The following ASPRV1 variants were observed in gnomAD, a reference collection of about 807,000 sequenced individuals.
ASPRV1 encodes retroviral-like aspartic protease 1.
Under a neutral mutation model 11.0 loss-of-function variants are expected in ASPRV1, and 7 were observed. The ratio of observed to expected loss-of-function variants is 0.64; its 90% confidence interval spans 0.36 to 1.20. The LOEUF (loss-of-function observed/expected upper bound fraction) is 1.20. Ranked by LOEUF, ASPRV1 falls within the 50% of genes most tolerant of loss-of-function variation. The probability of loss-of-function intolerance (pLI) is 0.02; values close to 1 mark genes in which losing one functional copy is unlikely to be tolerated. For missense variants in ASPRV1, 299 were observed against 320.0 expected (o/e 0.93, Z 0.50); for synonymous variants, 136 against 138.4 (o/e 0.98, Z 0.12).
chr2:69,944,695 T>TTAC, the ASPRV1 span, among the ~76,000 whole-genome samples: 1 of 36,780 alleles, frequency 2.7e-5, no homozygotes, highest in Non-Finnish European at 4.8e-5. Context: ...GGAGGGGACC[T>TTAC]TATATTCCAG....
chr2:70,064,327 G>A, the ASPRV1 span, among the ~76,000 whole-genome samples: 1 of 151,920 alleles, frequency 6.6e-6, no homozygotes, highest in Non-Finnish European at 1.5e-5. Context: ...CCACCTCAAA[G>A]GTCCTTCTAG....
At chr2:70,033,724 C>A in the ASPRV1 span, among the ~76,000 whole-genome samples, 1 of 152,184 alleles carries the variant, frequency 6.6e-6, no homozygotes, top group Non-Finnish European at 1.5e-5. Context: ...CTGGCCACAG[C>A]CATTTTTTGT....
chr2:70,067,706 G>C, the ASPRV1 span, among the ~76,000 whole-genome samples: 1 of 152,002 alleles, frequency 6.6e-6, no homozygotes, highest in Admixed American at 6.6e-5. Context: ...AATTTTTTCT[G>C]GGTTCATACA....
At chr2:70,057,987 G>A in the ASPRV1 span, among the ~76,000 whole-genome samples, 3 of 151,370 alleles carry the variant, frequency 2.0e-5, no homozygotes, top group Non-Finnish European at 2.9e-5. Context: ...TACAGACAGC[G>A]TTTCACCATG....
At chr2:69,985,573 T>C in the ASPRV1 span, among the ~76,000 whole-genome samples, 1 of 152,234 alleles carries the variant, frequency 6.6e-6, no homozygotes, top group East Asian at 1.9e-4. Context: ...GGCCAACCCA[T>C]CAGCCCTGTT....
At chr2:70,038,635 T>C in the ASPRV1 span, among the ~76,000 whole-genome samples, 1 of 152,222 alleles carries the variant, frequency 6.6e-6, no homozygotes, top group Admixed American at 6.5e-5. Context: ...TGGTAGGCTC[T>C]GGACACACAG....
the ASPRV1 span, among the ~76,000 whole-genome samples, chr2:70,036,544 A>G: frequency 2.6e-5 from 4 of 152,196 alleles, no homozygotes; most frequent in African/African-American, 9.6e-5. Flanking sequence ...AGTCACTGAT[A>G]ATGCCAAGGT....
the ASPRV1 span, among the ~76,000 whole-genome samples, chr2:70,061,021 C>CA: frequency 4.1e-3 from 618 of 152,230 alleles, 2 homozygotes; most frequent in African/African-American, 0.014. Flanking sequence ...CTTATGTAAA[C>CA]AAATGGGGTG....
At chr2:69,945,280 A>G in the ASPRV1 span, among the ~76,000 whole-genome samples, 6 of 152,224 alleles carry the variant, frequency 3.9e-5, no homozygotes, top group Admixed American at 3.9e-4. Flanking sequence ...TAATCTGCAC[A>G]TGCACCCCCT....
chr2:69,956,123 G>A (rs912058360), downstream of ASPRV1, among the ~76,000 whole-genome samples: 2 of 152,158 alleles, frequency 1.3e-5, no homozygotes, highest in Admixed American at 1.3e-4. Context: ...AAGGAGACAG[G>A]AGCCAGTTTG....
At chr2:70,001,166 TA>T in the ASPRV1 span, among the ~76,000 whole-genome samples, 2,521 of 146,496 alleles carry the variant, frequency 0.017, 58 homozygotes, top group African/African-American at 0.052. Flanking sequence ...CTTTTTAAAT[TA>T]AAAAAAAAAA....
the ASPRV1 span, chr2:69,938,358 C>T: frequency 9.5e-6 from 14 of 1,471,376 alleles, 1 homozygote; most frequent in African/African-American, 9.8e-5. Flanking sequence ...TTGGACCTGC[C>T]CACAACTCCC....
At chr2:69,991,406 T>G in the ASPRV1 span, among the ~76,000 whole-genome samples, 1 of 152,198 alleles carries the variant, frequency 6.6e-6, no homozygotes, top group African/African-American at 2.4e-5. Flanking sequence ...ATATAAAATG[T>G]TACATTTTCC....
chr2:69,993,182 C>T, the ASPRV1 span, among the ~76,000 whole-genome samples: 3 of 152,258 alleles, frequency 2.0e-5, no homozygotes, highest in Middle Eastern at 3.4e-3. Context: ...GGCCACGTAG[C>T]GAAGAGGGCA....
At chr2:70,054,858 A>G in the ASPRV1 span, among the ~76,000 whole-genome samples, 8 of 152,178 alleles carry the variant, frequency 5.3e-5, no homozygotes, top group Non-Finnish European at 7.3e-5. Flanking sequence ...CAAGACAAAA[A>G]AGAGTCTCCT....
the ASPRV1 span, chr2:69,935,205 A>G: frequency 1.6e-6 from 1 of 632,198 alleles, no homozygotes; most frequent in Non-Finnish European, 2.9e-6. Flanking sequence ...TCTGGTTCAA[A>G]ATATGTTTAT....
chr2:70,041,205 C>T, the ASPRV1 span, among the ~76,000 whole-genome samples: 16 of 152,178 alleles, frequency 1.1e-4, no homozygotes, highest in Non-Finnish European at 1.8e-4. Flanking sequence ...ATCTCACTCA[C>T]GACAATAAAG....
upstream of ASPRV1, chr2:69,963,410 C>A (rs927325078): frequency 1.1e-5 from 5 of 456,630 alleles, no homozygotes; most frequent in African/African-American, 4.0e-5. Flanking sequence ...AGCTTCCCAG[C>A]TGCTGGGATG....
At chr2:70,024,907 G>C in the ASPRV1 span, among the ~76,000 whole-genome samples, 1 of 152,146 alleles carries the variant, frequency 6.6e-6, no homozygotes, top group Non-Finnish European at 1.5e-5. Context: ...AGGAAGGGAA[G>C]GGTATGCAGT....
Sources: allele counts gnomAD v4.1 joint callset (sites outside exome capture counted in the v4.1 genomes callset), GRCh38; gene constraint gnomAD v4.1.1; transcripts MANE v1.5; gene names NCBI Gene and HGNC (gene_info 2026-07-23, HGNC 2026-07-21).